Variants in TBC1D5 observed in about 807,000 individuals in gnomAD.
TBC1D5 encodes the protein TBC1 domain family member 5.
Under a neutral mutation model 100.3 loss-of-function variants are expected in TBC1D5, and 75 were observed. The observed-to-expected ratio is 0.75, with a 90% CI of 0.62 to 0.91. The LOEUF is 0.91. TBC1D5 is among the 40% of genes least tolerant of loss of function. TBC1D5 has a pLI of 0.00. For synonymous variants in TBC1D5, 323 were observed against 325.6 expected (o/e 0.99, Z 0.09); for missense variants, 910 against 942.4 (o/e 0.97, Z 0.45).
At chr3:17,698,254 C>A (rs1261972145) in intron 1 of TBC1D5, among the ~76,000 whole-genome samples, 3 of 152,222 alleles carry the variant, frequency 2.0e-5, no homozygotes, top group Admixed American at 1.3e-4. Context: ...CTACAACTAT[C>A]TGATCTTTGA....
intron 15 of TBC1D5, among the ~76,000 whole-genome samples, chr3:17,277,123 T>G (rs1441280452): frequency 1.3e-5 from 2 of 152,240 alleles, no homozygotes; most frequent in East Asian, 3.8e-4. Context: ...AATATCCTAT[T>G]AACAATTAAA....
chr3:17,550,566 C>T (rs1023474590), intron 2 of TBC1D5, among the ~76,000 whole-genome samples: 3 of 151,164 alleles, frequency 2.0e-5, no homozygotes, highest in African/African-American at 7.3e-5. Flanking sequence ...AAAAACACCA[C>T]AGAAGGTCTT....
intron 1 of TBC1D5, among the ~76,000 whole-genome samples, chr3:17,700,203 A>T (rs2072938536): frequency 6.6e-6 from 1 of 152,172 alleles, no homozygotes. Context: ...ATCTTTGACA[A>T]ACCTGACAAA....
intron 3 of TBC1D5, among the ~76,000 whole-genome samples, chr3:17,429,694 T>C (rs1490506284): frequency 6.6e-6 from 1 of 151,936 alleles, no homozygotes; most frequent in Non-Finnish European, 1.5e-5. Flanking sequence ...CTTATATAAT[T>C]ATGCTACTCA....
chr3:17,693,864 T>A (rs775713678), intron 1 of TBC1D5, among the ~76,000 whole-genome samples: 1 of 152,084 alleles, frequency 6.6e-6, no homozygotes, highest in Non-Finnish European at 1.5e-5. Flanking sequence ...CGGGTGCCCC[T>A]CTGGGACGAA....
intron 2 of TBC1D5, among the ~76,000 whole-genome samples, chr3:17,559,201 T>TG (rs1216235436): frequency 6.6e-6 from 1 of 151,894 alleles, no homozygotes; most frequent in African/African-American, 2.4e-5. Context: ...TGGAGTGCAG[T>TG]GGCATCTCGG....
At chr3:17,605,197 A>C (rs2153602753) in intron 2 of TBC1D5, among the ~76,000 whole-genome samples, 1 of 152,324 alleles carries the variant, frequency 6.6e-6, no homozygotes, top group East Asian at 1.9e-4. Flanking sequence ...CTTTGCATGA[A>C]TGAGTGACTC....
At chr3:17,299,407 T>TA (rs978914554) in intron 14 of TBC1D5, among the ~76,000 whole-genome samples, 6 of 152,308 alleles carry the variant, frequency 3.9e-5, no homozygotes, top group Admixed American at 3.3e-4. Flanking sequence ...TGTGGAAACT[T>TA]AAACTGCAGA....
intron 2 of TBC1D5, among the ~76,000 whole-genome samples, chr3:17,518,742 A>G (rs968731690): frequency 6.6e-6 from 1 of 152,240 alleles, no homozygotes; most frequent in Non-Finnish European, 1.5e-5. Flanking sequence ...AGCTGTTAAC[A>G]CTTAAGCCGT....
At chr3:17,301,707 GAAATC>G (rs1172272770) in intron 14 of TBC1D5, among the ~76,000 whole-genome samples, 1 of 152,188 alleles carries the variant, frequency 6.6e-6, no homozygotes, top group Non-Finnish European at 1.5e-5. Context: ...TGCAAAGTGT[GAAATC>G]AATGAGAGCT....
At chr3:17,242,776 T>C (rs1302270497) in intron 16 of TBC1D5, among the ~76,000 whole-genome samples, 1 of 152,084 alleles carries the variant, frequency 6.6e-6, no homozygotes, top group African/African-American at 2.4e-5. Flanking sequence ...GGGAAAATGT[T>C]CTGATTTTTC....
intron 1 of TBC1D5, among the ~76,000 whole-genome samples, chr3:17,658,918 A>C (rs1008579188): frequency 5.5e-4 from 83 of 152,166 alleles, no homozygotes; most frequent in Admixed American, 1.5e-3. Context: ...TCGGCCTCCC[A>C]AACTGCTGGG....
intron 2 of TBC1D5, among the ~76,000 whole-genome samples, chr3:17,593,702 G>C (rs1480075989): frequency 6.6e-6 from 1 of 152,192 alleles, no homozygotes; most frequent in Non-Finnish European, 1.5e-5. Context: ...TACAGCTAAA[G>C]AAGTGCAGCG....
At chr3:17,265,573 G>A (rs900178700) in intron 15 of TBC1D5, among the ~76,000 whole-genome samples, 37 of 152,140 alleles carry the variant, frequency 2.4e-4, no homozygotes, top group African/African-American at 8.9e-4. Flanking sequence ...TTGCTCAGCT[G>A]TTTATAAGCA....
chr3:17,382,689 T>C (rs1434805658), intron 9 of TBC1D5, among the ~76,000 whole-genome samples: 2 of 151,936 alleles, frequency 1.3e-5, no homozygotes, highest in Non-Finnish European at 2.9e-5. Flanking sequence ...GTCTCCCAAG[T>C]AGCTGAGACT....
At chr3:17,326,054 A>C (rs1191659215) in intron 13 of TBC1D5, among the ~76,000 whole-genome samples, 1 of 152,216 alleles carries the variant, frequency 6.6e-6, no homozygotes, top group Non-Finnish European at 1.5e-5. Flanking sequence ...CTCATCTCAT[A>C]GAGCACTAAG....
At chr3:17,224,417 A>G (rs972526426) in intron 17 of TBC1D5, among the ~76,000 whole-genome samples, 1 of 152,214 alleles carries the variant, frequency 6.6e-6, no homozygotes. Flanking sequence ...AATTTTAATA[A>G]TCTATTATCA....
At chr3:17,396,252 G>A (rs1426868912) in intron 8 of TBC1D5, among the ~76,000 whole-genome samples, 2 of 152,048 alleles carry the variant, frequency 1.3e-5, no homozygotes, top group Non-Finnish European at 2.9e-5. Flanking sequence ...AGTCCACCTC[G>A]AGGAGACTGA....
chr3:17,301,614 C>T (rs1400624347), intron 14 of TBC1D5, among the ~76,000 whole-genome samples: 1 of 152,084 alleles, frequency 6.6e-6, no homozygotes, highest in Admixed American at 6.5e-5. Context: ...GGACCAACAC[C>T]CACAATAACT....
Sources: gnomAD v4.1 joint callset for allele counts (sites outside exome capture counted in the v4.1 genomes callset) on GRCh38, gnomAD v4.1.1 for gene constraint, MANE v1.5 for transcripts, NCBI Gene and HGNC (gene_info 2026-07-23, HGNC 2026-07-21) for gene names.